Variants in SWAP70 observed in about 807,000 individuals in gnomAD.
SWAP70 encodes switching B cell complex subunit SWAP70.
Under a neutral mutation model 80.2 loss-of-function variants are expected in SWAP70, and 34 were observed. The observed-to-expected ratio is 0.42, with a 90% CI of 0.32 to 0.56. The LOEUF (loss-of-function observed/expected upper bound fraction) is 0.56, where lower values mean the gene tolerates loss of function less well. SWAP70 is among the 20% of genes least tolerant of loss of function. The pLI is 0.09. For synonymous variants in SWAP70, 239 were observed against 238.5 expected (o/e 1.00, Z -0.02); for missense variants, 578 against 690.7 (o/e 0.84, Z 1.83).
At position 9,665,722 on chromosome 11, in the gene SWAP70, G is replaced by A. The variant is rs375065287; in HGVS notation, c.99+1444G>A. Among the ~76,000 whole-genome samples the A allele has an allele frequency of 8.7e-4, 132 of 152,310 alleles. 2 individuals are homozygous for A. In the South Asian group the frequency reaches 0.025, roughly 29 times the overall value. The stretch of plus-strand genomic sequence containing the variant: ...GTGTGTACCAATAATTTTTTAAATT[G>A]CTAAGTAATATTCTATTGCATGGAT... On this transcript the variant is annotated intron_variant, in intron 1 of 11. Coordinates refer to ENST00000318950, the MANE Select transcript of SWAP70 (RefSeq NM_015055.4).
At chr11:9,737,533 GTAAAAGT>G (rs576746035) in intron 7 of SWAP70, among the ~76,000 whole-genome samples, 56 of 152,258 alleles carry the variant, frequency 3.7e-4, no homozygotes, top group African/African-American at 1.3e-3. Context: ...ATTGGTTCTG[GTAAAAGT>G]TATAATGAAT....
Position 9,747,936 on chromosome 11 carries a change from C to T in SWAP70, c.1434C>T (p.Thr478=), listed in dbSNP as rs34696762. 0.034 allele frequency: 54,172 copies of T among 1,613,940 alleles called. 5,561 individuals are homozygous for T. The highest frequency in any genetic ancestry group is 0.3 in the East Asian group (13,312 of 44,858). Residue 478 remains threonine, a synonymous_variant, in exon 10 of 12, where the codon ACC becomes ACT. Transcript: ENST00000318950. ...AGCAGCAGCAGGCCATTCAGACAAC[C>T]GAGGCGGAGAAGCAGGAGTTGGAGA... is the stretch of plus-strand genomic sequence containing the variant. The part of the protein sequence containing the change: ...HLEQQQAIQT[T]EAEKQELENQ...
chr11:9,738,245 A>G lies in SWAP70; in HGVS notation c.1113A>G (p.Glu371=), dbSNP rs149959198. 3 of 1,611,272 alleles carry G rather than the reference A, an allele frequency of 1.9e-6. No individual in the cohort carries two copies. The highest frequency in any genetic ancestry group is 2.7e-5 in the African/African-American group (2 of 74,738). ...KLEEAASRAA[E]EEKKRLQTQV... ...AGGAAGCAGCATCTCGTGCAGCAGAAGAGGAAAAGAAACGCCTTCAGACTC... is the reference window on the plus strand; with the variant it reads ...AGGAAGCAGCATCTCGTGCAGCAGAGGAGGAAAAGAAACGCCTTCAGACTC... The change falls in exon 8 of 12, where the codon GAA becomes GAG. Residue 371 remains glutamate (E), a synonymous_variant. Coordinates refer to ENST00000318950, the MANE Select transcript of SWAP70 (RefSeq NM_015055.4).
chr11:9,685,200 A>G (rs951399540), intron 1 of SWAP70, among the ~76,000 whole-genome samples: 2 of 150,142 alleles, frequency 1.3e-5, no homozygotes, highest in African/African-American at 2.5e-5. Context: ...CACAACCTCC[A>G]TAGGGTGGCT....
At chr11:9,715,827 A>G (rs1431744371) in intron 3 of SWAP70, among the ~76,000 whole-genome samples, 1 of 152,144 alleles carries the variant, frequency 6.6e-6, no homozygotes, top group Non-Finnish European at 1.5e-5. Flanking sequence ...CAGCCAAACC[A>G]TATCACTGCC....
intron 1 of SWAP70, among the ~76,000 whole-genome samples, chr11:9,670,799 G>A (rs931525364): frequency 4.6e-5 from 7 of 151,552 alleles, no homozygotes; most frequent in African/African-American, 1.5e-4. Flanking sequence ...TATCACCCAG[G>A]CTGGAGCACA....
intron 1 of SWAP70, among the ~76,000 whole-genome samples, chr11:9,681,580 G>T (rs1850568890): frequency 6.6e-6 from 1 of 152,176 alleles, no homozygotes; most frequent in South Asian, 2.1e-4. Context: ...TGTTAGTGGG[G>T]TGCTATGAAG....
chr11:9,709,960 AG>A (rs1188691878), intron 2 of SWAP70, among the ~76,000 whole-genome samples: 4 of 152,248 alleles, frequency 2.6e-5, no homozygotes, highest in African/African-American at 9.6e-5. Context: ...GTTATTAAGA[AG>A]ATCATAAGGA....
intron 1 of SWAP70, among the ~76,000 whole-genome samples, chr11:9,671,456 A>C (rs1385321753): frequency 1.8e-5 from 1 of 54,668 alleles, no homozygotes; most frequent in African/African-American, 5.4e-5. Flanking sequence ...ATATTTATAA[A>C]TATATATATA....
chr11:9,722,155 A>G (rs1590037940), intron 3 of SWAP70, among the ~76,000 whole-genome samples: 1 of 152,222 alleles, frequency 6.6e-6, no homozygotes, highest in South Asian at 2.1e-4. Context: ...GCATTGTGCA[A>G]ATTGCTCTGT....
At chr11:9,738,688 CAAAAAAA>C (rs10533145) in intron 8 of SWAP70, among the ~76,000 whole-genome samples, 7 of 98,480 alleles carry the variant, frequency 7.1e-5, no homozygotes, top group East Asian at 3.0e-4. Context: ...GCAATATCTA[CAAAAAAA>C]AAAAAAAAAA....
chr11:9,736,206 G>A (rs762912703), intron 7 of SWAP70, among the ~76,000 whole-genome samples: 2 of 151,930 alleles, frequency 1.3e-5, no homozygotes, highest in African/African-American at 4.8e-5. Context: ...TTTTTTCTGT[G>A]ATTTATATCT....
intron 3 of SWAP70, among the ~76,000 whole-genome samples, chr11:9,715,486 T>A (rs1234971596): frequency 1.3e-5 from 2 of 152,174 alleles, no homozygotes; most frequent in Admixed American, 1.3e-4. Context: ...CACTGATTGC[T>A]GCCTGTATTA....
intron 1 of SWAP70, among the ~76,000 whole-genome samples, chr11:9,685,853 C>T (rs1300041179): frequency 6.6e-6 from 1 of 152,076 alleles, no homozygotes; most frequent in African/African-American, 2.4e-5. Context: ...AGGATGGCCT[C>T]GATCTCCTGA....
At chr11:9,693,011 T>C (rs575801712) in intron 1 of SWAP70, among the ~76,000 whole-genome samples, 1 of 152,330 alleles carries the variant, frequency 6.6e-6, no homozygotes, top group African/African-American at 2.4e-5. Flanking sequence ...GATATGCAAA[T>C]TATTTTATAG....
rs551650919 is a variant in SWAP70 at position 9,694,092 on chromosome 11, G to A, written c.100-54G>A. Reference sequence around the variant, plus strand: ...AGCAGCATGTTGTACTCATGGTGAAGGTGTCATGTGCTGGTTAGTGGGAGT... The same window carrying A: ...AGCAGCATGTTGTACTCATGGTGAAAGTGTCATGTGCTGGTTAGTGGGAGT... On this transcript the variant is annotated intron_variant, in intron 1 of 11. Coordinates refer to ENST00000318950, the MANE Select transcript of SWAP70 (RefSeq NM_015055.4). 1.5e-4 allele frequency: 219 copies of A among 1,499,946 alleles called. No individual in the cohort carries two copies. In the African/African-American group the frequency reaches 1.7e-3, roughly 11 times the overall value. 92.9% of individuals were successfully genotyped at this position (1,499,946 alleles called of 1,614,324 possible).
chr11:9,703,611 C>T (rs1401465877), intron 2 of SWAP70, among the ~76,000 whole-genome samples: 1 of 152,208 alleles, frequency 6.6e-6, no homozygotes, highest in Non-Finnish European at 1.5e-5. Flanking sequence ...TGTGCTTTTC[C>T]TCTATAGCAC....
intron 6 of SWAP70, 90 bp from the exon 7 acceptor site, chr11:9,732,439 A>G: frequency 7.5e-7 from 1 of 1,326,398 alleles, no homozygotes; most frequent in Non-Finnish European, 1.0e-6. Flanking sequence ...TCCCTGTCTC[A>G]TTTTCTTCCC....
At chr11:9,692,994 G>C (rs1009488609) in intron 1 of SWAP70, among the ~76,000 whole-genome samples, 1 of 152,106 alleles carries the variant, frequency 6.6e-6, no homozygotes, top group African/African-American at 2.4e-5. Context: ...AACAAATTTA[G>C]AAAGAAGATA....
Sources: allele counts gnomAD v4.1 joint callset (sites outside exome capture counted in the v4.1 genomes callset), GRCh38; gene constraint gnomAD v4.1.1; transcripts MANE v1.5; gene names NCBI Gene and HGNC (gene_info 2026-07-23, HGNC 2026-07-21).